The following CUEDC2 variants were observed in gnomAD, a reference collection of about 807,000 sequenced individuals.
CUEDC2 encodes the protein CUE domain containing 2, also known as CUE domain-containing protein 2.
Under a neutral mutation model 36.0 loss-of-function variants are expected in CUEDC2, and 10 were observed. The ratio of observed to expected loss-of-function variants is 0.28; its 90% CI spans 0.17 to 0.47. CUEDC2 has a LOEUF of 0.47. Among genes scored for constraint, CUEDC2 ranks in the 20% least tolerant of loss-of-function variants. CUEDC2 has a pLI of 0.99. For missense variants in CUEDC2, 269 were observed against 368.1 expected (o/e 0.73, Z 2.20); for synonymous variants, 133 against 141.8 (o/e 0.94, Z 0.44).
chr10:102,423,867 G>C lies in CUEDC2; in HGVS notation c.595-8C>G. The C allele has an allele frequency of 6.2e-7, 1 of 1,611,958 alleles. No homozygotes were observed. Among genetic ancestry groups the C allele is most frequent in the South Asian group, 1.1e-5 (1 of 90,854 alleles). On this transcript the variant is annotated splice_region_variant and splice_polypyrimidine_tract_variant and intron_variant, in intron 6 of 8. Transcript: ENST00000369937. The surrounding 1 kb of genome is among the most constrained non-coding windows in gnomAD (Gnocchi z 5.6). ...GAGGCGTCTGGGCAGGTCCTGCAGA[G>C]AGGGGAGGCCTGGTCTAGGCCCAAG...
intron 1 of CUEDC2, among the ~76,000 whole-genome samples, chr10:102,427,594 G>A (rs369082365): frequency 4.6e-5 from 7 of 151,952 alleles, no homozygotes; most frequent in Middle Eastern, 3.4e-3. Context: ...CCAATCAGTC[G>A]CCAAGCCCTA....
chr10:102,431,463 T>C (rs2061616521), intron 1 of CUEDC2, among the ~76,000 whole-genome samples: 1 of 152,122 alleles, frequency 6.6e-6, no homozygotes. Context: ...ACATTTTACC[T>C]GAAAGGAAAT....
intron 1 of CUEDC2, among the ~76,000 whole-genome samples, chr10:102,426,541 A>T (rs1326116778): frequency 6.6e-6 from 1 of 151,998 alleles, no homozygotes; most frequent in Non-Finnish European, 1.5e-5. Context: ...CAAGTCTGTC[A>T]ATTCTATTTC....
intron 1 of CUEDC2, among the ~76,000 whole-genome samples, chr10:102,426,089 A>G (rs1017265876): frequency 4.6e-5 from 7 of 152,134 alleles, no homozygotes; most frequent in African/African-American, 1.4e-4. Context: ...TTATTTGCCT[A>G]TTGTCTGTCT....
intron 1 of CUEDC2, among the ~76,000 whole-genome samples, chr10:102,426,898 A>G (rs923489439): frequency 1.3e-5 from 2 of 151,926 alleles, no homozygotes; most frequent in African/African-American, 4.8e-5. Context: ...CTGGGCTCAA[A>G]GCAGTTCGCC....
chr10:102,424,269 C>T lies in CUEDC2; in HGVS notation c.406G>A (p.Asp136Asn), dbSNP rs952853667. 34 of 1,613,476 alleles carry T rather than the reference C, an allele frequency of 2.1e-5. No individual in the cohort carries two copies. The highest frequency in any genetic ancestry group is 2.9e-5 in the Non-Finnish European group (34 of 1,179,754). Residue 136 changes from aspartate (D) to asparagine (N), a missense_variant, in exon 5 of 9, where the codon GAT becomes AAT. By Grantham distance (23) the Asp-to-Asn change is conservative (BLOSUM62 1). Coordinates refer to ENST00000369937, the MANE Select transcript of CUEDC2 (RefSeq NM_024040.3). The surrounding 1 kb of genome is among the most constrained non-coding windows in gnomAD (Gnocchi z 4.2). ...GTACCCTCCTCTACCAGTACCTCAT[C>T]TTGGGTGTCTGCAGCAGCAGCAGCC... Reference protein sequence around the residue: ...SSAAAAADTQDEATGAEEELL... With the variant: ...SSAAAAADTQNEATGAEEELL...
At position 102,423,471 on chromosome 10, in the gene CUEDC2, G is replaced by A. The variant is rs1373415564; in HGVS notation, c.819C>T (p.Ala273=). 1 of 1,614,078 alleles carries A rather than the reference G, an allele frequency of 6.2e-7. No homozygotes were observed. Among genetic ancestry groups the A allele is most frequent in the East Asian group, 2.2e-5 (1 of 44,896 alleles). Residue 273 remains alanine (A), a synonymous_variant, in exon 9 of 9, where the codon GCC becomes GCT. Coordinates refer to ENST00000369937, the MANE Select transcript of CUEDC2 (RefSeq NM_024040.3). This position sits in a 1 kb window ranked among gnomAD's most constrained non-coding sequence, Gnocchi z 5.6. ...VRNPEAEEMK[A]TYINLKPARK... is the part of the protein sequence containing the mutation. The stretch of plus-strand genomic sequence containing the variant: ...TGGCTGGCTTGAGGTTGATGTATGT[G>A]GCCTTCATCTCCTCGGCCTCAGGGT...
intron 1 of CUEDC2, among the ~76,000 whole-genome samples, chr10:102,428,891 A>G (rs1043665566): frequency 2.6e-5 from 4 of 151,944 alleles, no homozygotes; most frequent in Non-Finnish European, 4.4e-5. Flanking sequence ...GTGTGGTGGC[A>G]CGCGCCTGTA....
chr10:102,423,633 C>G lies in CUEDC2; in HGVS notation c.717+24G>C. On this transcript the variant is annotated intron_variant, in intron 8 of 8. Coordinates refer to ENST00000369937, the MANE Select transcript of CUEDC2 (RefSeq NM_024040.3). This position sits in a 1 kb window ranked among gnomAD's most constrained non-coding sequence, Gnocchi z 5.6. ...GAGCCAGTCCCACCCATTCCGCATC[C>G]CCAGCAACCCTTAACTCTCTCACCT... 1 of 1,614,188 alleles carries G rather than the reference C, an allele frequency of 6.2e-7. No individual in the cohort carries two copies. The highest frequency in any genetic ancestry group is 8.5e-7 in the Non-Finnish European group (1 of 1,180,020).
intron 1 of CUEDC2, among the ~76,000 whole-genome samples, chr10:102,427,585 C>T (rs1421161808): frequency 6.6e-6 from 1 of 152,164 alleles, no homozygotes; most frequent in East Asian, 1.9e-4. Context: ...CTCCCTCATC[C>T]AATCAGTCGC....
Position 102,424,252 on chromosome 10 carries a change from C to A in CUEDC2, c.411+12G>T. 6.2e-7 allele frequency: 1 copy of A among 1,613,030 alleles called. No homozygotes were observed. The highest frequency in any genetic ancestry group is 8.5e-7 in the Non-Finnish European group (1 of 1,179,458). On this transcript the variant is annotated intron_variant, in intron 5 of 8. Transcript: ENST00000369937. This position sits in a 1 kb window ranked among gnomAD's most constrained non-coding sequence, Gnocchi z 4.2. ...CCCTGGGTCCCTCATCGGTACCCTCCTCTACCAGTACCTCATCTTGGGTGT... is the reference window on the plus strand; with the variant it reads ...CCCTGGGTCCCTCATCGGTACCCTCATCTACCAGTACCTCATCTTGGGTGT...
intron 1 of CUEDC2, among the ~76,000 whole-genome samples, chr10:102,431,087 A>C (rs1013629760): frequency 3.3e-5 from 5 of 152,190 alleles, no homozygotes; most frequent in Non-Finnish European, 7.4e-5. Context: ...AATCCTTACA[A>C]TAACTCTAAA....
chr10:102,425,209 A>G lies in CUEDC2; in HGVS notation c.-10-11T>C. 6.2e-7 allele frequency: 1 copy of G among 1,608,816 alleles called. No homozygotes were observed. Among genetic ancestry groups the G allele is most frequent in the Non-Finnish European group, 8.5e-7 (1 of 1,175,782 alleles). On this transcript the variant is annotated splice_polypyrimidine_tract_variant and intron_variant, in intron 1 of 8. Coordinates refer to ENST00000369937, the MANE Select transcript of CUEDC2 (RefSeq NM_024040.3). Reference sequence around the variant, plus strand: ...TCCATGCTCTCTCTTCTGAAGGGACACAGACAGGATGGCCAGGCCTTCTTC... The same window carrying G: ...TCCATGCTCTCTCTTCTGAAGGGACGCAGACAGGATGGCCAGGCCTTCTTC...
intron 1 of CUEDC2, among the ~76,000 whole-genome samples, chr10:102,432,075 T>C (rs952591930): frequency 3.9e-5 from 6 of 152,254 alleles, no homozygotes; most frequent in African/African-American, 1.4e-4. Flanking sequence ...CCTGAGGCCC[T>C]GGACCCATAA....
chr10:102,424,776 T>C lies in CUEDC2; in HGVS notation c.91A>G (p.Ile31Val). 5 of 1,613,596 alleles carry C rather than the reference T, an allele frequency of 3.1e-6. No homozygotes were observed. The highest frequency in any genetic ancestry group is 4.2e-6 in the Non-Finnish European group (5 of 1,179,970). The change falls in exon 3 of 9, where the codon ATC becomes GTC. Residue 31 changes from isoleucine to valine, a missense_variant. Transcript: ENST00000369937. The surrounding 1 kb of genome is among the most constrained non-coding windows in gnomAD (Gnocchi z 4.2). ...EADLSGLDEV[I>V]FSYVLGVLED... ...AGGACCCCAAGCACATAGGAGAAGA[T>C]GACCTCATCCAAGCCACTGCAGGAA...
At chr10:102,427,434 T>C (rs1236999362) in intron 1 of CUEDC2, among the ~76,000 whole-genome samples, 1 of 152,212 alleles carries the variant, frequency 6.6e-6, no homozygotes, top group East Asian at 1.9e-4. Flanking sequence ...TACAGGCATC[T>C]CACAGTTAGC....
Position 102,423,351 on chromosome 10 carries a change from T to C in CUEDC2, c.*75A>G. On this transcript the variant is annotated 3_prime_UTR_variant, in exon 9 of 9. Transcript: ENST00000369937. This position sits in a 1 kb window ranked among gnomAD's most constrained non-coding sequence, Gnocchi z 5.6. The stretch of plus-strand genomic sequence containing the variant: ...AGGGGGACAGGAGTTAGGGGGCCCC[T>C]GTGTAGGGGTATAGGGCTCCTGCAT... 6.3e-7 allele frequency: 1 copy of C among 1,581,192 alleles called. No homozygotes were observed. The highest frequency in any genetic ancestry group is 8.7e-7 in the Non-Finnish European group (1 of 1,154,750).
At chr10:102,426,055 A>C (rs1283585204) in intron 1 of CUEDC2, among the ~76,000 whole-genome samples, 1 of 152,120 alleles carries the variant, frequency 6.6e-6, no homozygotes, top group African/African-American at 2.4e-5. Context: ...CATAGCACTT[A>C]CTACCATTAA....
Position 102,424,125 on chromosome 10 carries a change from C to T in CUEDC2, c.465G>A (p.Val155=). ...CCTGCTCCACCGAACAGGTAGGGAA[C>T]ACCTCCAGGAGTACATCCACCCCTG... ...LLPGVDVLLE[V]FPTCSVEQAQ... The change falls in exon 6 of 9, where the codon GTG becomes GTA. Residue 155 remains valine (V), a synonymous_variant. Coordinates refer to ENST00000369937, the MANE Select transcript of CUEDC2 (RefSeq NM_024040.3). This position sits in a 1 kb window ranked among gnomAD's most constrained non-coding sequence, Gnocchi z 4.2. The T allele has an allele frequency of 1.2e-6, 2 of 1,614,130 alleles. No homozygotes were observed. The highest frequency in any genetic ancestry group is 1.7e-6 in the Non-Finnish European group (2 of 1,179,998).
Sources: allele counts gnomAD v4.1 joint callset (sites outside exome capture counted in the v4.1 genomes callset), GRCh38; gene constraint gnomAD v4.1.1; non-coding constraint Gnocchi (gnomAD v3.1); transcripts MANE v1.5; gene names NCBI Gene and HGNC (gene_info 2026-07-23, HGNC 2026-07-21).